MYO1E: variants seen among roughly 807,000 people sequenced by gnomAD.
MYO1E encodes the protein unconventional myosin-Ie.
MYO1E carries 68 observed loss-of-function variants against 151.1 expected under a neutral mutation model. That is an observed-to-expected ratio of 0.45 (90% CI 0.37 to 0.55). MYO1E has a LOEUF of 0.55. MYO1E is among the 20% of genes least tolerant of loss of function. The pLI, the probability that MYO1E is intolerant of heterozygous loss-of-function variation, is 0.00. For synonymous variants in MYO1E, 601 were observed against 501.7 expected, an observed-to-expected ratio of 1.20 and a Z score of -2.64; for missense variants, 1,363 against 1,389.3, an observed-to-expected ratio of 0.98 and a Z score of 0.30.
chr15:59,289,299 G>A (rs1489679808), intron 1 of MYO1E, among the ~76,000 whole-genome samples: 1 of 152,130 alleles, frequency 6.6e-6, no homozygotes, highest in African/African-American at 2.4e-5. Flanking sequence ...GCTGAATCCA[G>A]GCATTTATAT....
chr15:59,199,057 G>C (rs2079785281), intron 16 of MYO1E, among the ~76,000 whole-genome samples: 1 of 152,098 alleles, frequency 6.6e-6, no homozygotes, highest in Admixed American at 6.5e-5. Flanking sequence ...GAAGGGAAGT[G>C]TTTCGGATTT....
chr15:59,301,656 G>T (rs2080483142), intron 1 of MYO1E, among the ~76,000 whole-genome samples: 1 of 152,174 alleles, frequency 6.6e-6, no homozygotes, highest in Non-Finnish European at 1.5e-5. Context: ...CTTTATTGTG[G>T]CTAAGTCCAT....
intron 1 of MYO1E, among the ~76,000 whole-genome samples, chr15:59,359,043 T>C (rs1184992589): frequency 2.6e-5 from 4 of 152,090 alleles, no homozygotes; most frequent in Non-Finnish European, 5.9e-5. Context: ...AGAATGAATA[T>C]GGACACAAAC....
At chr15:59,145,823 T>C (rs1416121903) in intron 26 of MYO1E, among the ~76,000 whole-genome samples, 2 of 152,206 alleles carry the variant, frequency 1.3e-5, no homozygotes, top group Non-Finnish European at 2.9e-5. Flanking sequence ...CACTGGTAGC[T>C]TGAAATTGGC....
At chr15:59,313,497 AC>A (rs1306474401) in intron 1 of MYO1E, among the ~76,000 whole-genome samples, 1 of 86,536 alleles carries the variant, frequency 1.2e-5, no homozygotes, top group African/African-American at 4.3e-5. Context: ...CAACTACCCC[AC>A]CCCCGCCCCA....
rs777720889 is a variant in MYO1E at position 59,138,298 on chromosome 15, C to T, written c.3150G>A (p.Lys1050=). 1.2e-6 allele frequency: 2 copies of T among 1,614,228 alleles called. No individual in the cohort carries two copies. Among genetic ancestry groups the T allele is most frequent in the South Asian group, 2.2e-5 (2 of 91,088 alleles). The change falls in exon 27 of 28, where the codon AAG becomes AAA. Residue 1050 remains lysine, a synonymous_variant. Coordinates refer to ENST00000288235, the MANE Select transcript of MYO1E (RefSeq NM_004998.4). The stretch of plus-strand genomic sequence containing the variant: ...AAGCCTTGCACTGTGGCACCTGAGG[C>T]TTGGGCTTGGGCTGGGGCTTGGGTC... ...GGRPKPQPKP[K]PQVPQCKALY... is the part of the protein sequence containing the mutation.
intron 26 of MYO1E, among the ~76,000 whole-genome samples, chr15:59,152,983 C>A (rs17269503): frequency 6.6e-6 from 1 of 152,160 alleles, no homozygotes; most frequent in Non-Finnish European, 1.5e-5. Context: ...TCCATCCCTA[C>A]GACTCCACAG....
intron 4 of MYO1E, among the ~76,000 whole-genome samples, chr15:59,244,040 C>G (rs1287223671): frequency 2.6e-5 from 4 of 152,160 alleles, no homozygotes; most frequent in Non-Finnish European, 5.9e-5. Context: ...CATGCCATGG[C>G]TAATGGTATA....
At chr15:59,280,655 A>G (rs1354508295) in intron 1 of MYO1E, among the ~76,000 whole-genome samples, 8 of 151,988 alleles carry the variant, frequency 5.3e-5, no homozygotes, top group African/African-American at 1.5e-4. Flanking sequence ...CTTATAATCA[A>G]TGATGTGTTA....
intron 1 of MYO1E, among the ~76,000 whole-genome samples, chr15:59,306,587 A>G (rs529080912): frequency 8.3e-4 from 127 of 152,400 alleles, no homozygotes; most frequent in African/African-American, 2.9e-3. Flanking sequence ...ACAGGTTGGC[A>G]AAACCTCAAA....
intron 1 of MYO1E, among the ~76,000 whole-genome samples, chr15:59,284,675 G>C (rs139159438): frequency 4.7e-5 from 7 of 147,788 alleles, no homozygotes; most frequent in African/African-American, 1.7e-4. Context: ...GGGTCCCACT[G>C]TGTTGCCCAG....
intron 1 of MYO1E, among the ~76,000 whole-genome samples, chr15:59,366,597 C>G (rs1268951168): frequency 2.0e-5 from 3 of 152,116 alleles, no homozygotes; most frequent in African/African-American, 7.2e-5. Context: ...CTCAGAAGGG[C>G]GGGCCAACTT....
intron 18 of MYO1E, among the ~76,000 whole-genome samples, chr15:59,186,767 C>T (rs1204259083): frequency 6.6e-6 from 1 of 152,176 alleles, no homozygotes; most frequent in African/African-American, 2.4e-5. Context: ...AAATAAAACA[C>T]TACATTTGGC....
intron 4 of MYO1E, among the ~76,000 whole-genome samples, chr15:59,238,332 T>G (rs1187702915): frequency 1.3e-5 from 2 of 152,170 alleles, no homozygotes; most frequent in African/African-American, 4.8e-5. Context: ...ATGTAAACAT[T>G]CAAGAATATT....
At chr15:59,365,615 G>T (rs929686599) in intron 1 of MYO1E, among the ~76,000 whole-genome samples, 1 of 152,192 alleles carries the variant, frequency 6.6e-6, no homozygotes, top group Non-Finnish European at 1.5e-5. Flanking sequence ...ATGGATTTAG[G>T]ATAGAATTTT....
At chr15:59,256,480 A>G (rs2080194621) in intron 3 of MYO1E, 102 bp from the exon 4 acceptor site, 7 of 620,176 alleles carry the variant, frequency 1.1e-5, no homozygotes, top group Non-Finnish European at 1.8e-5. Flanking sequence ...CTTTTCCTGA[A>G]TTTGGAAACG....
intron 1 of MYO1E, among the ~76,000 whole-genome samples, chr15:59,340,339 T>G (rs12441049): frequency 0.18 from 27,412 of 151,924 alleles, 3,242 homozygotes; most frequent in East Asian, 0.49. Context: ...AAACCCCGCC[T>G]GATCGTTAAA....
At chr15:59,221,586 T>C (rs752867823) in intron 9 of MYO1E, among the ~76,000 whole-genome samples, 1 of 152,100 alleles carries the variant, frequency 6.6e-6, no homozygotes, top group Non-Finnish European at 1.5e-5. Context: ...AAATTATTGG[T>C]AGGGGGAGGC....
At chr15:59,230,204 G>C (rs1188597310) in intron 6 of MYO1E, among the ~76,000 whole-genome samples, 1 of 134,324 alleles carries the variant, frequency 7.4e-6, no homozygotes, top group Non-Finnish European at 1.6e-5. Context: ...AATAGTGAGA[G>C]AGAGAGAGAC....
Sources: allele counts gnomAD v4.1 joint callset (sites outside exome capture counted in the v4.1 genomes callset), GRCh38; gene constraint gnomAD v4.1.1; transcripts MANE v1.5; gene names NCBI Gene and HGNC (gene_info 2026-07-23, HGNC 2026-07-21).